The following KCNK2 variants were observed in gnomAD, a reference collection of about 807,000 sequenced individuals.
KCNK2 encodes potassium channel subfamily K member 2.
A neutral mutation model predicts 40.5 loss-of-function variants in KCNK2; 21 were observed. That is an observed-to-expected ratio of 0.52 (90% CI 0.37 to 0.75). KCNK2 has a LOEUF of 0.75. Ranked by LOEUF, KCNK2 falls within the 30% of genes least tolerant of loss-of-function variation. KCNK2 has a pLI of 0.00. For synonymous variants in KCNK2, 191 were observed against 202.2 expected (o/e 0.94, Z 0.47); for missense variants, 399 against 531.6 (o/e 0.75, Z 2.45).
At chr1:215,198,328 C>A (rs1273716592) in intron 6 of KCNK2, among the ~76,000 whole-genome samples, 1 of 151,952 alleles carries the variant, frequency 6.6e-6, no homozygotes, top group Non-Finnish European at 1.5e-5. Context: ...ATGGAGCTTT[C>A]AATTGGAGTA....
intron 5 of KCNK2, among the ~76,000 whole-genome samples, chr1:215,182,485 C>T (rs1664264310): frequency 1.3e-5 from 2 of 152,128 alleles, no homozygotes; most frequent in Admixed American, 1.3e-4. Flanking sequence ...GCATCCTGGG[C>T]ACTCAGTAAC....
At position 215,086,437 on chromosome 1, in the gene KCNK2, C is replaced by T. The variant is rs1659443520; in HGVS notation, c.116C>T (p.Thr39Met). 6.2e-7 allele frequency: 1 copy of T among 1,614,134 alleles called. No individual in the cohort carries two copies. Among genetic ancestry groups the T allele is most frequent in the East Asian group, 2.2e-5 (1 of 44,878 alleles). ...QNSKPRLSFS[T>M]KPTVLASRVE... is the part of the protein sequence containing the mutation. The stretch of plus-strand genomic sequence containing the variant: ...TCCAAACCGAGGCTCTCGTTTTCCA[C>T]GAAACCCACAGTGCTTGCTTCCCGG... The change falls in exon 2 of 7, where the codon ACG becomes ATG. Residue 39 changes from threonine to methionine, a missense_variant. This residue lies in a region of KCNK2 where 279 missense variants were observed against 353.8 expected (regional missense o/e 0.79). Coordinates refer to ENST00000444842, the MANE Select transcript of KCNK2 (RefSeq NM_001017425.3).
intron 1 of KCNK2, among the ~76,000 whole-genome samples, chr1:215,047,036 A>C (rs1363657112): frequency 6.6e-6 from 1 of 152,142 alleles, no homozygotes; most frequent in African/African-American, 2.4e-5. Context: ...AGTCTGGAAA[A>C]CATTGAAAAT....
chr1:215,206,436 T>C (rs1169278719), intron 6 of KCNK2, among the ~76,000 whole-genome samples: 1 of 152,210 alleles, frequency 6.6e-6, no homozygotes, highest in Non-Finnish European at 1.5e-5. Context: ...TTGAAACTCA[T>C]ATTTCCAAGT....
intron 5 of KCNK2, among the ~76,000 whole-genome samples, chr1:215,192,604 T>G (rs775788165): frequency 6.6e-6 from 1 of 152,178 alleles, no homozygotes; most frequent in South Asian, 2.1e-4. Flanking sequence ...AAATGTCATT[T>G]TGGTTTCATT....
At chr1:215,168,458 C>A (rs1663547014) in intron 3 of KCNK2, among the ~76,000 whole-genome samples, 1 of 152,126 alleles carries the variant, frequency 6.6e-6, no homozygotes, top group African/African-American at 2.4e-5. Context: ...CAACCTAAAT[C>A]CCCATCAATG....
intron 3 of KCNK2, among the ~76,000 whole-genome samples, chr1:215,125,190 A>G (rs543052569): frequency 6.6e-6 from 1 of 152,174 alleles, no homozygotes; most frequent in African/African-American, 2.4e-5. Flanking sequence ...TGCCTGTTAT[A>G]TGGTCATTTA....
chr1:215,180,700 G>A (rs1664187483), intron 5 of KCNK2, among the ~76,000 whole-genome samples: 1 of 151,896 alleles, frequency 6.6e-6, no homozygotes, highest in Non-Finnish European at 1.5e-5. Flanking sequence ...GTCTCTCCTG[G>A]CTTGTCAGGT....
At chr1:215,191,416 CA>C (rs1034047966) in intron 5 of KCNK2, among the ~76,000 whole-genome samples, 2 of 152,024 alleles carry the variant, frequency 1.3e-5, no homozygotes, top group Admixed American at 1.3e-4. Context: ...CTGTTTCCAG[CA>C]AATGTTTAGG....
At chr1:215,112,315 G>GTT (rs201439627) in intron 2 of KCNK2, among the ~76,000 whole-genome samples, 3 of 143,110 alleles carry the variant, frequency 2.1e-5, no homozygotes, top group South Asian at 2.2e-4. Flanking sequence ...TTGTGTCTTA[G>GTT]TTTTTTTTTT....
In KCNK2 at chr1:215,193,741, T is replaced by C. The variant is rs370794641; in HGVS notation, c.824-1212T>C. On this transcript the variant is annotated intron_variant, in intron 5 of 6. Transcript: ENST00000444842. ...CAGGACTTATCTCCCGAGAGACTTT[T>C]ACCTATTCTCCATGGAGTTAAGATC... Among the ~76,000 whole-genome samples the C allele has an allele frequency of 7.9e-5, 12 of 152,310 alleles. No individual in the cohort carries two copies. The South Asian group carries it at 2.5e-3, about 32-fold the overall frequency.
At chr1:215,148,098 T>TTTTTG (rs1662513575) in intron 3 of KCNK2, among the ~76,000 whole-genome samples, 5 of 146,738 alleles carry the variant, frequency 3.4e-5, no homozygotes, top group African/African-American at 1.3e-4. Context: ...TTTTTTTTTT[T>TTTTTG]GGCAGGGTCT....
At chr1:215,127,792 G>C (rs1661497615) in intron 3 of KCNK2, among the ~76,000 whole-genome samples, 1 of 152,058 alleles carries the variant, frequency 6.6e-6, no homozygotes, top group Non-Finnish European at 1.5e-5. Context: ...AATTATTTTT[G>C]AAACTAAAAA....
intron 5 of KCNK2, 41 bp downstream of exon 5, chr1:215,172,224 G>T (rs757183268): frequency 2.0e-6 from 3 of 1,519,100 alleles, no homozygotes; most frequent in South Asian, 1.2e-5. Context: ...TCTAACAGGG[G>T]TTTATTAGAT....
At chr1:215,134,303 C>G (rs12239750) in intron 3 of KCNK2, among the ~76,000 whole-genome samples, 17,647 of 152,098 alleles carry the variant, frequency 0.12, 2,932 homozygotes, top group African/African-American at 0.37. Flanking sequence ...CAAGACTGTC[C>G]CCACTCCACA....
chr1:215,057,902 A>C (rs1658224493), intron 1 of KCNK2, among the ~76,000 whole-genome samples: 1 of 152,092 alleles, frequency 6.6e-6, no homozygotes, highest in South Asian at 2.1e-4. Context: ...TAATTCAGAC[A>C]ATAAATGTGT....
intron 2 of KCNK2, among the ~76,000 whole-genome samples, chr1:215,111,775 C>T (rs926657126): frequency 2.6e-5 from 4 of 151,508 alleles, no homozygotes; most frequent in Non-Finnish European, 4.4e-5. Context: ...TTAATTGGGC[C>T]ATGTTTCCCT....
At chr1:215,080,140 T>C (rs1659095060), upstream of KCNK2, among the ~76,000 whole-genome samples, 1 of 152,154 alleles carries the variant, frequency 6.6e-6, no homozygotes, top group African/African-American at 2.4e-5. Context: ...GAGACCTAAG[T>C]TCCATGAGTC....
At chr1:215,094,684 T>C (rs894151182) in intron 2 of KCNK2, among the ~76,000 whole-genome samples, 1 of 152,104 alleles carries the variant, frequency 6.6e-6, no homozygotes, top group Non-Finnish European at 1.5e-5. Flanking sequence ...AATAATTAGG[T>C]TTTTATTATA....
Sources: gnomAD v4.1 joint callset for allele counts (sites outside exome capture counted in the v4.1 genomes callset) on GRCh38, gnomAD v4.1.1 for gene constraint, gnomAD v4.1.1 regional missense constraint, MANE v1.5 for transcripts, NCBI Gene and HGNC (gene_info 2026-07-23, HGNC 2026-07-21) for gene names.